The following CTNNA2 variants were observed in gnomAD, a reference collection of about 807,000 sequenced individuals.
CTNNA2 encodes catenin alpha 2, also known as catenin alpha-2.
A neutral mutation model predicts 101.0 loss-of-function variants in CTNNA2; 42 were observed. That is an observed-to-expected ratio of 0.42 (90% CI 0.32 to 0.54). The LOEUF (loss-of-function observed/expected upper bound fraction) is 0.54. Ranked by LOEUF, CTNNA2 falls within the 20% of genes least tolerant of loss-of-function variation. The pLI is 0.14. For synonymous variants in CTNNA2, 450 were observed against 456.4 expected, an observed-to-expected ratio of 0.99 and a Z score of 0.18; for missense variants, 871 against 1,223.1, an observed-to-expected ratio of 0.71 and a Z score of 4.29.
intron 7 of CTNNA2, among the ~76,000 whole-genome samples, chr2:79,989,892 C>A (rs759476028): frequency 1.3e-5 from 2 of 152,150 alleles, no homozygotes; most frequent in African/African-American, 4.8e-5. Flanking sequence ...TTGGATTGAA[C>A]TAGATATCTA....
intron 7 of CTNNA2, among the ~76,000 whole-genome samples, chr2:80,066,927 T>A (rs1161130193): frequency 6.6e-6 from 1 of 152,182 alleles, no homozygotes; most frequent in Non-Finnish European, 1.5e-5. Context: ...GGAAATTCTT[T>A]CATTTGCAAA....
chr2:79,372,461 C>T (rs756238423), intron 3 of CTNNA2, among the ~76,000 whole-genome samples: 2 of 152,094 alleles, frequency 1.3e-5, no homozygotes, highest in African/African-American at 4.8e-5. Context: ...ATATCCTACT[C>T]GAGGTTCTAC....
chr2:79,794,329 T>G (rs1192405970), intron 3 of CTNNA2, among the ~76,000 whole-genome samples: 1 of 152,174 alleles, frequency 6.6e-6, no homozygotes, highest in Non-Finnish European at 1.5e-5. Flanking sequence ...TCTTTTGCCT[T>G]TACTTTTAAT....
At chr2:79,348,094 C>T (rs184335200) in intron 3 of CTNNA2, among the ~76,000 whole-genome samples, 14 of 152,240 alleles carry the variant, frequency 9.2e-5, no homozygotes, top group Admixed American at 8.5e-4. Flanking sequence ...TAAAATGTCA[C>T]AGGCAACATG....
At chr2:79,413,973 A>G (rs1401795988) in intron 4 of CTNNA2, among the ~76,000 whole-genome samples, 1 of 125,408 alleles carries the variant, frequency 8.0e-6, no homozygotes, top group East Asian at 2.5e-4. Context: ...ATATATATAT[A>G]AGCTTTTTAG....
intron 10 of CTNNA2, among the ~76,000 whole-genome samples, chr2:80,545,549 G>T (rs1471791070): frequency 6.6e-6 from 1 of 152,054 alleles, no homozygotes; most frequent in African/African-American, 2.4e-5. Context: ...TTTGTTTTGG[G>T]TTGTGATTTA....
intron 3 of CTNNA2, among the ~76,000 whole-genome samples, chr2:79,753,941 T>C (rs887848797): frequency 6.7e-6 from 1 of 149,930 alleles, no homozygotes; most frequent in Admixed American, 6.7e-5. Flanking sequence ...TCATCTTGGC[T>C]CACTGCAACC....
At position 79,877,474 on chromosome 2, in the gene CTNNA2, G is replaced by A. The variant is rs2916496; in HGVS notation, c.852+3132G>A. Reference sequence around the variant, plus strand: ...AATTTTCTCATTAAAATAATATACCGTTTCTCTTTATTTTATGACTAAATT... The same window carrying A: ...AATTTTCTCATTAAAATAATATACCATTTCTCTTTATTTTATGACTAAATT... On this transcript the variant is annotated intron_variant, in intron 6 of 18. Transcript: ENST00000402739. 1.7e-3 allele frequency among the ~76,000 whole-genome samples: 258 copies of A among 151,962 alleles called. 3 individuals are homozygous for A. Among genetic ancestry groups the A allele is most frequent in the African/African-American group, 5.9e-3 (244 of 41,470 alleles).
chr2:80,092,680 A>G (rs1472909278), intron 7 of CTNNA2, among the ~76,000 whole-genome samples: 1 of 151,038 alleles, frequency 6.6e-6, no homozygotes, highest in Non-Finnish European at 1.5e-5. Context: ...CAAACTGCTT[A>G]ATCAATAGTC....
At chr2:80,630,701 A>G (rs895718181) in intron 18 of CTNNA2, among the ~76,000 whole-genome samples, 1 of 152,190 alleles carries the variant, frequency 6.6e-6, no homozygotes, top group Non-Finnish European at 1.5e-5. Context: ...ATGAGTAACT[A>G]CATTTTAAAA....
At chr2:79,340,778 G>C (rs1677114599) in intron 3 of CTNNA2, among the ~76,000 whole-genome samples, 1 of 142,910 alleles carries the variant, frequency 7.0e-6, no homozygotes, top group Non-Finnish European at 1.5e-5. Context: ...AGCTTGCAGT[G>C]AGCGGAGATC....
chr2:79,464,297 C>T (rs1669060), intron 4 of CTNNA2, among the ~76,000 whole-genome samples: 48,157 of 151,918 alleles, frequency 0.32, 7,766 homozygotes, highest in South Asian at 0.45. Flanking sequence ...TCCATCTCCC[C>T]GCAAAGGACA....
chr2:79,458,733 C>T lies in CTNNA2; in HGVS notation c.-134-46321C>T, dbSNP rs538349659. On this transcript the variant is annotated intron_variant, in intron 4 of 21. Coordinates refer to the CTNNA2 transcript ENST00000466387. ...AGGGAGAATGAATTTTGGTTATAACCTTACCCATTTTATTTTCCATCTCAC... is the reference window on the plus strand; with the variant it reads ...AGGGAGAATGAATTTTGGTTATAACTTTACCCATTTTATTTTCCATCTCAC... Among the ~76,000 whole-genome samples the T allele has an allele frequency of 4.3e-4, 65 of 152,142 alleles. 1 individual carries two copies. The highest frequency in any genetic ancestry group is 8.1e-4 in the Non-Finnish European group (55 of 67,988).
intron 7 of CTNNA2, among the ~76,000 whole-genome samples, chr2:79,992,402 T>C (rs778634679): frequency 1.3e-5 from 2 of 152,196 alleles, no homozygotes; most frequent in Admixed American, 6.5e-5. Context: ...AGAACCAAAA[T>C]GTGTGAGGAA....
chr2:79,313,531 A>G (rs1239929709), intron 3 of CTNNA2, among the ~76,000 whole-genome samples: 1 of 152,190 alleles, frequency 6.6e-6, no homozygotes, highest in African/African-American at 2.4e-5. Context: ...GCTAGGAAGT[A>G]GCAGAGCTGG....
At chr2:79,501,827 T>G (rs1465060723) in intron 4 of CTNNA2, among the ~76,000 whole-genome samples, 1 of 152,164 alleles carries the variant, frequency 6.6e-6, no homozygotes, top group Non-Finnish European at 1.5e-5. Flanking sequence ...GAGCATTAAT[T>G]GGGAAAGAAT....
rs1387990341 is a variant in CTNNA2, at chr2:80,608,327, G to C, written c.2430+9G>C. ...AGCTCATTGTGTCAGGGGTAAGCTG[G>C]ACTTGGGCTTCACAATGTAAAGTTC... is the stretch of plus-strand genomic sequence containing the variant. On this transcript the variant is annotated intron_variant, in intron 17 of 18. Coordinates refer to ENST00000402739, the MANE Select transcript of CTNNA2 (RefSeq NM_001282597.3). The C allele has an allele frequency of 1.2e-6, 2 of 1,604,310 alleles. No individual in the cohort carries two copies.
chr2:80,626,466 C>T (rs373406065), intron 18 of CTNNA2, among the ~76,000 whole-genome samples: 2 of 152,144 alleles, frequency 1.3e-5, no homozygotes, highest in African/African-American at 4.8e-5. Flanking sequence ...TTCCACCCCT[C>T]TGCCCTTCTT....
chr2:80,552,443 T>C (rs1692650299), intron 11 of CTNNA2, among the ~76,000 whole-genome samples: 1 of 152,256 alleles, frequency 6.6e-6, no homozygotes, highest in Non-Finnish European at 1.5e-5. Flanking sequence ...TAGTAGCTTT[T>C]ACATGTCTGC....
Sources: gnomAD v4.1 joint callset for allele counts (sites outside exome capture counted in the v4.1 genomes callset) on GRCh38, gnomAD v4.1.1 for gene constraint, MANE v1.5 for transcripts, NCBI Gene and HGNC (gene_info 2026-07-23, HGNC 2026-07-21) for gene names.